The following TFAP2D variants were observed in gnomAD, a reference collection of about 807,000 sequenced individuals.
TFAP2D encodes transcription factor AP-2-delta.
In TFAP2D, 9 loss-of-function variants were observed where a neutral mutation model predicts 43.6. That is an observed-to-expected ratio of 0.21 (90% CI 0.12 to 0.36). The LOEUF (loss-of-function observed/expected upper bound fraction) is 0.36, where lower values mean the gene tolerates loss of function less well. Ranked by LOEUF, TFAP2D falls within the 10% of genes least tolerant of loss-of-function variation. TFAP2D has a pLI of 1.00. For missense variants in TFAP2D, 513 were observed against 561.4 expected (o/e 0.91, Z 0.87); for synonymous variants, 256 against 224.9 (o/e 1.14, Z -1.24).
chr6:50,726,918 A>G (rs1192495487), intron 3 of TFAP2D, among the ~76,000 whole-genome samples: 1 of 152,230 alleles, frequency 6.6e-6, no homozygotes, highest in East Asian at 1.9e-4. Context: ...TAGCTCCTAA[A>G]GCAGGTGTTT....
Position 50,713,865 on chromosome 6 carries a change from T to C in TFAP2D, c.-191T>C. ...TTGTGCAGAGGGAAAATTTTGTTCC[T>C]ACAGGTTTTTAAGTGGGTACGAGGC... is the stretch of plus-strand genomic sequence containing the variant. On this transcript the variant is annotated 5_prime_UTR_variant, in exon 1 of 8. Transcript: ENST00000008391. 1 of 779,768 alleles carries C rather than the reference T, an allele frequency of 1.3e-6. No homozygotes were observed. The highest frequency in any genetic ancestry group is 2.0e-6 in the Non-Finnish European group (1 of 495,248). 48.3% of individuals were successfully genotyped at this position (779,768 alleles called of 1,614,324 possible).
intron 7 of TFAP2D, among the ~76,000 whole-genome samples, chr6:50,752,577 G>A (rs1674421712): frequency 6.6e-6 from 1 of 151,844 alleles, no homozygotes; most frequent in African/African-American, 2.4e-5. Flanking sequence ...AATTTAGGCT[G>A]CAACATCAGA....
chr6:50,755,002 CT>C (rs1769245377), intron 7 of TFAP2D, among the ~76,000 whole-genome samples: 1 of 151,752 alleles, frequency 6.6e-6, no homozygotes, highest in African/African-American at 2.4e-5. Flanking sequence ...GTTGCCTGTG[CT>C]TTTGGTGTCA....
intron 3 of TFAP2D, among the ~76,000 whole-genome samples, chr6:50,723,871 C>T (rs1768767421): frequency 6.6e-6 from 1 of 152,282 alleles, no homozygotes; most frequent in South Asian, 2.1e-4. Flanking sequence ...CATTACACAC[C>T]TACCGCCACA....
intron 7 of TFAP2D, among the ~76,000 whole-genome samples, chr6:50,760,203 C>G (rs1474311709): frequency 6.6e-6 from 1 of 152,000 alleles, no homozygotes; most frequent in Non-Finnish European, 1.5e-5. Flanking sequence ...AACTAAGATT[C>G]CGCAGAAGGT....
intron 7 of TFAP2D, among the ~76,000 whole-genome samples, chr6:50,765,008 A>G (rs1769421902): frequency 6.6e-6 from 1 of 152,178 alleles, no homozygotes; most frequent in African/African-American, 2.4e-5. Context: ...AACTATAGCC[A>G]CCATGCTATA....
chr6:50,736,263 TCAGA>T (rs1768961984), intron 5 of TFAP2D, among the ~76,000 whole-genome samples: 1 of 152,180 alleles, frequency 6.6e-6, no homozygotes, highest in Non-Finnish European at 1.5e-5. Flanking sequence ...TTCACTTTAG[TCAGA>T]CAGTCTCACC....
intron 7 of TFAP2D, among the ~76,000 whole-genome samples, chr6:50,756,248 G>A (rs1290091295): frequency 6.6e-6 from 1 of 152,040 alleles, no homozygotes; most frequent in African/African-American, 2.4e-5. Context: ...GATGAATTAC[G>A]AAGGAGACAT....
At chr6:50,767,823 C>T (rs1248072253) in intron 7 of TFAP2D, among the ~76,000 whole-genome samples, 2 of 152,114 alleles carry the variant, frequency 1.3e-5, no homozygotes, top group East Asian at 3.9e-4. Context: ...TGAAGGAAGG[C>T]AACCTAGGAA....
intron 7 of TFAP2D, among the ~76,000 whole-genome samples, chr6:50,751,609 A>C (rs1362421175): frequency 1.3e-5 from 2 of 151,926 alleles, no homozygotes; most frequent in Non-Finnish European, 2.9e-5. Flanking sequence ...ATTTTCTCCC[A>C]CATGATGAAA....
At chr6:50,771,434 A>G (rs1224798204) in intron 7 of TFAP2D, among the ~76,000 whole-genome samples, 2 of 152,232 alleles carry the variant, frequency 1.3e-5, no homozygotes, top group Admixed American at 6.5e-5. Flanking sequence ...CTGGATGGCC[A>G]TATGCCCAGA....
intron 7 of TFAP2D, among the ~76,000 whole-genome samples, chr6:50,757,764 TAG>T (rs1282899144): frequency 1.9e-5 from 2 of 104,458 alleles, no homozygotes; most frequent in African/African-American, 7.8e-5. Context: ...TCTATATATA[TAG>T]AATATATATA....
intron 5 of TFAP2D, among the ~76,000 whole-genome samples, chr6:50,739,367 C>T (rs530732981): frequency 9.2e-5 from 14 of 152,264 alleles, no homozygotes; most frequent in Admixed American, 3.3e-4. Flanking sequence ...TGATGGTTTC[C>T]AGCTACATCC....
At chr6:50,743,351 G>A (rs1411926349) in intron 5 of TFAP2D, among the ~76,000 whole-genome samples, 2 of 142,318 alleles carry the variant, frequency 1.4e-5, no homozygotes, top group Non-Finnish European at 3.1e-5. Context: ...GAAAAAAATA[G>A]TATATTTTGT....
chr6:50,720,862 T>C (rs1426217032), intron 3 of TFAP2D, among the ~76,000 whole-genome samples: 3 of 152,208 alleles, frequency 2.0e-5, no homozygotes, highest in Non-Finnish European at 4.4e-5. Flanking sequence ...CTCTTGCTAC[T>C]GCAATTTTGC....
At chr6:50,763,396 T>C (rs1470952267) in intron 7 of TFAP2D, among the ~76,000 whole-genome samples, 1 of 152,150 alleles carries the variant, frequency 6.6e-6, no homozygotes. Flanking sequence ...CTTACTTTGC[T>C]GTTATCTAGC....
At chr6:50,728,601 C>G (rs937303646) in intron 3 of TFAP2D, among the ~76,000 whole-genome samples, 1 of 152,150 alleles carries the variant, frequency 6.6e-6, no homozygotes, top group Non-Finnish European at 1.5e-5. Flanking sequence ...GTGAGTCAGT[C>G]TACACTCCGT....
At chr6:50,724,501 C>G (rs1276098560) in intron 3 of TFAP2D, among the ~76,000 whole-genome samples, 1 of 152,122 alleles carries the variant, frequency 6.6e-6, no homozygotes, top group Non-Finnish European at 1.5e-5. Context: ...GCCCAGCGCC[C>G]GGAAGCCCGC....
chr6:50,738,302 A>G (rs1330505277), intron 5 of TFAP2D, among the ~76,000 whole-genome samples: 2 of 151,936 alleles, frequency 1.3e-5, no homozygotes, highest in African/African-American at 4.8e-5. Context: ...CTTTCATATG[A>G]CTTACTTTCA....
Sources: gnomAD v4.1 joint callset for allele counts (sites outside exome capture counted in the v4.1 genomes callset) on GRCh38, gnomAD v4.1.1 for gene constraint, MANE v1.5 for transcripts, NCBI Gene and HGNC (gene_info 2026-07-23, HGNC 2026-07-21) for gene names.